Variants in SLC67A1 observed in about 807,000 individuals in gnomAD.
SLC67A1 encodes the protein solute carrier family 67 member 1.
At chr11:2,919,275 G>A in the SLC67A1 span, 2,423 of 1,516,458 alleles carry the variant, frequency 1.6e-3, 2 homozygotes, top group Non-Finnish European at 1.9e-3. Context: ...GGGTGTGGGG[G>A]TACTCACCCC....
At chr11:2,915,476 AG>A in the SLC67A1 span, among the ~76,000 whole-genome samples, 1 of 152,032 alleles carries the variant, frequency 6.6e-6, no homozygotes, top group African/African-American at 2.4e-5. Flanking sequence ...GGATCTGTTG[AG>A]GTTGGGGCAG....
chr11:2,904,244 G>A, the SLC67A1 span, among the ~76,000 whole-genome samples: 1 of 152,176 alleles, frequency 6.6e-6, no homozygotes, highest in Non-Finnish European at 1.5e-5. Context: ...GAAGCCCGGC[G>A]TGCGTGGGCT....
At chr11:2,903,513 G>A in the SLC67A1 span, 1 of 1,612,226 alleles carries the variant, frequency 6.2e-7, no homozygotes, top group Non-Finnish European at 8.5e-7. Flanking sequence ...CCCAGCCCCT[G>A]CAGCCCCAGC....
At chr11:2,909,317 G>C in the SLC67A1 span, 1 of 1,533,144 alleles carries the variant, frequency 6.5e-7, no homozygotes, top group Non-Finnish European at 8.7e-7. Context: ...CCTGCTCTTC[G>C]CCTCGCGCCT....
the SLC67A1 span, chr11:2,899,895 A>G: frequency 2.2e-5 from 13 of 579,456 alleles, no homozygotes; most frequent in African/African-American, 2.4e-4. Flanking sequence ...AACTCATCCC[A>G]TCTCCTCCTG....
the SLC67A1 span, among the ~76,000 whole-genome samples, chr11:2,913,473 G>A: frequency 6.6e-6 from 1 of 152,200 alleles, no homozygotes; most frequent in Non-Finnish European, 1.5e-5. Context: ...GACCAGGTAC[G>A]AGGAGACACG....
the SLC67A1 span, chr11:2,899,802 C>G: frequency 1.4e-5 from 18 of 1,310,844 alleles, no homozygotes; most frequent in Non-Finnish European, 1.8e-5. Flanking sequence ...TGGAGGAAGA[C>G]AGTGGTAAGT....
chr11:2,908,166 G>A, the SLC67A1 span: 1 of 1,027,568 alleles, frequency 9.7e-7, no homozygotes, highest in Non-Finnish European at 1.5e-6. Context: ...TGCCCATCCA[G>A]GGACCCCAGA....
chr11:2,900,049 A>G, the SLC67A1 span, among the ~76,000 whole-genome samples: 11 of 152,052 alleles, frequency 7.2e-5, no homozygotes, highest in Non-Finnish European at 1.3e-4. Context: ...AGACACTCTG[A>G]GACTCCTGTC....
the SLC67A1 span, among the ~76,000 whole-genome samples, chr11:2,918,475 G>A: frequency 0.094 from 14,318 of 152,288 alleles, 1,635 homozygotes; most frequent in East Asian, 0.61. Flanking sequence ...TCAGCAGACC[G>A]TAGGGCGTCA....
chr11:2,907,486 T>G, the SLC67A1 span, among the ~76,000 whole-genome samples: 3 of 152,274 alleles, frequency 2.0e-5, no homozygotes, highest in African/African-American at 7.2e-5. The surrounding 1 kb of genome is among the most constrained non-coding windows in gnomAD (Gnocchi z 6.7). Flanking sequence ...TCCCAAATTC[T>G]CCTCCTAATG....
chr11:2,912,418 G>A, the SLC67A1 span, among the ~76,000 whole-genome samples: 3 of 152,250 alleles, frequency 2.0e-5, no homozygotes, highest in African/African-American at 7.2e-5. Flanking sequence ...CTGGCCTGGT[G>A]CGGGGCAGGA....
At chr11:2,900,520 C>T in the SLC67A1 span, among the ~76,000 whole-genome samples, 4 of 151,704 alleles carry the variant, frequency 2.6e-5, no homozygotes, top group Admixed American at 6.6e-5. Context: ...GGTGAAACTC[C>T]GTCTCTACTA....
At chr11:2,916,976 A>AGGGG in the SLC67A1 span, 3 of 505,774 alleles carry the variant, frequency 5.9e-6, no homozygotes, top group East Asian at 3.7e-5. Context: ...GAGAGGCAGG[A>AGGGG]AGGCCCAGAC....
the SLC67A1 span, among the ~76,000 whole-genome samples, chr11:2,924,710 A>G: frequency 6.6e-6 from 1 of 152,132 alleles, no homozygotes; most frequent in East Asian, 1.9e-4. This position sits in a 1 kb window ranked among gnomAD's most constrained non-coding sequence, Gnocchi z 8.6. Flanking sequence ...ACTCAGCCCA[A>G]TGCCCTGGGA....
chr11:2,919,728 C>T, the SLC67A1 span: 3 of 387,760 alleles, frequency 7.7e-6, no homozygotes, highest in Admixed American at 4.3e-5. Flanking sequence ...CCAAAGTGCC[C>T]GCCTTGCAGG....
the SLC67A1 span, chr11:2,915,119 C>G: frequency 1.0e-6 from 1 of 985,378 alleles, no homozygotes; most frequent in Non-Finnish European, 1.2e-6. Context: ...CCCCCCTAGA[C>G]TGATGTGAGC....
chr11:2,915,295 G>A, the SLC67A1 span: 15 of 916,450 alleles, frequency 1.6e-5, no homozygotes, highest in East Asian at 2.3e-4. Context: ...GTGTGTGTGT[G>A]TGCGCATGTG....
At chr11:2,909,291 C>A in the SLC67A1 span, 5 of 1,534,302 alleles carry the variant, frequency 3.3e-6, no homozygotes, top group African/African-American at 5.5e-5. Flanking sequence ...TCCAGCCCGG[C>A]CCTGCCCGGG....
Sources: allele counts gnomAD v4.1 joint callset (sites outside exome capture counted in the v4.1 genomes callset), GRCh38; gene constraint gnomAD v4.1.1; non-coding constraint Gnocchi (gnomAD v3.1); transcripts MANE v1.5; gene names NCBI Gene and HGNC (gene_info 2026-07-23, HGNC 2026-07-21).